Variants in TAFA1 observed in about 807,000 individuals in gnomAD.
TAFA1 encodes the protein chemokine-like protein TAFA-1.
Under a neutral mutation model 18.5 loss-of-function variants are expected in TAFA1, and 4 were observed. That is an observed-to-expected ratio of 0.22 (90% CI 0.11 to 0.49). The LOEUF (loss-of-function observed/expected upper bound fraction) is 0.49, where lower values mean the gene tolerates loss of function less well. Ranked by LOEUF, TAFA1 falls within the 20% of genes least tolerant of loss-of-function variation. The pLI is 0.98. For synonymous variants in TAFA1, 56 were observed against 55.2 expected (o/e 1.01, Z -0.06); for missense variants, 147 against 169.0 (o/e 0.87, Z 0.72).
chr3:68,504,386 G>A (rs1383279033), intron 3 of TAFA1, among the ~76,000 whole-genome samples: 2 of 152,234 alleles, frequency 1.3e-5, no homozygotes, highest in East Asian at 1.9e-4. Context: ...TGCCTGCAAC[G>A]GCCCCATGAG....
intron 2 of TAFA1, among the ~76,000 whole-genome samples, chr3:68,130,977 G>A (rs1349917393): frequency 6.6e-6 from 1 of 152,042 alleles, no homozygotes; most frequent in Non-Finnish European, 1.5e-5. Flanking sequence ...TGCCTCCCCA[G>A]TGTCAAAGAC....
chr3:68,374,682 G>A (rs897439216), intron 2 of TAFA1, among the ~76,000 whole-genome samples: 3 of 152,130 alleles, frequency 2.0e-5, no homozygotes, highest in Non-Finnish European at 4.4e-5. Context: ...GCAATGCTGT[G>A]TCAGCATCAT....
chr3:68,162,855 A>G (rs1229450202), intron 2 of TAFA1, among the ~76,000 whole-genome samples: 1 of 152,230 alleles, frequency 6.6e-6, no homozygotes, highest in Non-Finnish European at 1.5e-5. Flanking sequence ...CAGACTCAGA[A>G]TGAGGAATGA....
chr3:68,242,955 G>A (rs1439276979), intron 2 of TAFA1, among the ~76,000 whole-genome samples: 2 of 151,998 alleles, frequency 1.3e-5, no homozygotes, highest in Admixed American at 1.3e-4. Context: ...ATCCCTGATG[G>A]ATTATATGAT....
chr3:68,206,216 G>A (rs1179613672), intron 2 of TAFA1, among the ~76,000 whole-genome samples: 1 of 151,776 alleles, frequency 6.6e-6, no homozygotes, highest in African/African-American at 2.4e-5. Context: ...TTATTAAGGG[G>A]ATGGAATGAT....
chr3:68,048,500 T>G (rs1414310207), intron 2 of TAFA1, among the ~76,000 whole-genome samples: 2 of 152,126 alleles, frequency 1.3e-5, no homozygotes, highest in Non-Finnish European at 2.9e-5. Flanking sequence ...TAATATATTA[T>G]TGTCAACTGT....
intron 3 of TAFA1, among the ~76,000 whole-genome samples, chr3:68,440,684 G>A (rs1339199315): frequency 6.6e-6 from 1 of 152,108 alleles, no homozygotes; most frequent in Non-Finnish European, 1.5e-5. Context: ...TTGTAGTCCT[G>A]CCTGGATTGG....
intron 3 of TAFA1, among the ~76,000 whole-genome samples, chr3:68,460,609 C>G (rs1004297082): frequency 6.6e-6 from 1 of 152,190 alleles, no homozygotes; most frequent in Non-Finnish European, 1.5e-5. Context: ...CAGAGCATCT[C>G]TCGCTCCTTC....
chr3:68,230,738 A>G (rs2066861473), intron 2 of TAFA1, among the ~76,000 whole-genome samples: 1 of 152,178 alleles, frequency 6.6e-6, no homozygotes, highest in Admixed American at 6.5e-5. Flanking sequence ...ATTGTCACCA[A>G]CAGTGTATGA....
At chr3:68,481,496 T>C (rs2072235903) in intron 3 of TAFA1, among the ~76,000 whole-genome samples, 1 of 152,204 alleles carries the variant, frequency 6.6e-6, no homozygotes, top group African/African-American at 2.4e-5. Flanking sequence ...ATACCTCTTT[T>C]GGCTTTCATG....
In TAFA1 at chr3:68,004,427, G is replaced by A. The variant is rs964160542; in HGVS notation, c.-279G>A. On this transcript the variant is annotated 5_prime_UTR_variant, in exon 1 of 5. Transcript: ENST00000478136. ...TCTCGTCAGGCAGAGGTGACGCCAG[G>A]AGATGATTTAAAGGTGAAAATGACA... The A allele has an allele frequency of 6.6e-6, 1 of 152,140 alleles. No homozygotes were observed. The highest frequency in any genetic ancestry group is 1.5e-5 in the Non-Finnish European group (1 of 68,030). The allele number at this position is 152,140 out of a possible 1,614,324, so 9.4% of individuals were successfully genotyped here. A position where few individuals can be genotyped will look rare whatever the true frequency, so the allele number is the denominator to read the frequency against.
At chr3:68,166,273 C>T (rs113178243) in intron 2 of TAFA1, among the ~76,000 whole-genome samples, 1 of 152,190 alleles carries the variant, frequency 6.6e-6, no homozygotes, top group African/African-American at 2.4e-5. Flanking sequence ...AACCCATCTA[C>T]ATTTCAGGTT....
chr3:68,384,427 G>A (rs151325029), intron 2 of TAFA1, among the ~76,000 whole-genome samples: 134 of 152,000 alleles, frequency 8.8e-4, no homozygotes, highest in Non-Finnish European at 1.5e-3. Context: ...TTATTTAACC[G>A]AAAGCCATTC....
chr3:68,372,624 C>T (rs2638075), intron 2 of TAFA1, among the ~76,000 whole-genome samples: 94,585 of 151,756 alleles, frequency 0.62, 30,193 homozygotes, highest in East Asian at 1. Flanking sequence ...TGAAGAAATT[C>T]TAGAGCATAA....
intron 2 of TAFA1, among the ~76,000 whole-genome samples, chr3:68,267,184 T>C (rs1206410804): frequency 6.6e-6 from 1 of 152,204 alleles, no homozygotes; most frequent in Non-Finnish European, 1.5e-5. Flanking sequence ...ATTAGCCTCA[T>C]CTAATCATTC....
At chr3:68,083,269 C>A (rs778860177) in intron 2 of TAFA1, among the ~76,000 whole-genome samples, 3 of 152,218 alleles carry the variant, frequency 2.0e-5, no homozygotes, top group Non-Finnish European at 2.9e-5. Flanking sequence ...AAACCTTCAG[C>A]CCCAACCTAT....
intron 2 of TAFA1, among the ~76,000 whole-genome samples, chr3:68,058,761 G>T (rs377203485): frequency 2.6e-4 from 39 of 152,258 alleles, no homozygotes; most frequent in Non-Finnish European, 4.6e-4. Flanking sequence ...GTTTTCAGAC[G>T]TGTAAAAGCT....
At chr3:68,430,170 A>G (rs1257029049) in intron 3 of TAFA1, among the ~76,000 whole-genome samples, 3 of 151,970 alleles carry the variant, frequency 2.0e-5, no homozygotes, top group Non-Finnish European at 4.4e-5. Context: ...AGAGGATTCA[A>G]TAATGAGGAA....
intron 2 of TAFA1, among the ~76,000 whole-genome samples, chr3:68,370,472 G>GTGTATATATA (rs1248560447): frequency 9.1e-5 from 3 of 33,040 alleles, no homozygotes; most frequent in African/African-American, 1.3e-4. Flanking sequence ...GTGTGTGTGT[G>GTGTATATATA]TATATATATA....
Sources: gnomAD v4.1 joint callset for allele counts (sites outside exome capture counted in the v4.1 genomes callset) on GRCh38, gnomAD v4.1.1 for gene constraint, MANE v1.5 for transcripts, NCBI Gene and HGNC (gene_info 2026-07-23, HGNC 2026-07-21) for gene names.